The following UBE2R2 variants were observed in gnomAD, a reference collection of about 807,000 sequenced individuals.
UBE2R2 encodes the protein ubiquitin conjugating enzyme E2 R2, also known as ubiquitin-conjugating enzyme E2 R2.
Under a neutral mutation model 27.8 loss-of-function variants are expected in UBE2R2, and 1 was observed. The ratio of observed to expected loss-of-function variants is 0.04; its 90% CI spans 0.01 to 0.17. The LOEUF (loss-of-function observed/expected upper bound fraction) is 0.17. Among genes scored for constraint, UBE2R2 ranks in the 10% least tolerant of loss-of-function variants. The pLI, the probability that UBE2R2 is intolerant of heterozygous loss-of-function variation, is 1.00. For synonymous variants in UBE2R2, 106 were observed against 113.3 expected (o/e 0.94, Z 0.41); for missense variants, 100 against 291.0 (o/e 0.34, Z 4.78).
chr9:33,883,316 T>G (rs527533852), intron 1 of UBE2R2, among the ~76,000 whole-genome samples: 1 of 152,302 alleles, frequency 6.6e-6, no homozygotes, highest in East Asian at 1.9e-4. Context: ...GGTTAAGGAC[T>G]CAGTCCCACA....
In UBE2R2 at chr9:33,915,129, C is replaced by CAA. The variant is rs552572059; in HGVS notation, c.498-1874_498-1873dup. Among the ~76,000 whole-genome samples the CAA allele has an allele frequency of 2.9e-4, 31 of 107,376 alleles. No homozygotes were observed. The East Asian group carries it at 3.7e-3, about 13-fold the overall frequency. 70.4% of individuals were successfully genotyped at this position (107,376 alleles called of 152,430 possible). On this transcript the variant is annotated intron_variant, in intron 4 of 4. Coordinates refer to ENST00000263228, the MANE Select transcript of UBE2R2 (RefSeq NM_017811.4). The stretch of plus-strand genomic sequence containing the variant: ...TGGGTGACAGTGGGAGACCTTGTCT[C>CAA]AAAAAAAAAAAAAAAATCAAATAGT...
intron 1 of UBE2R2, among the ~76,000 whole-genome samples, chr9:33,841,450 C>T (rs1481180078): frequency 6.6e-6 from 1 of 152,084 alleles, no homozygotes; most frequent in Admixed American, 6.6e-5. Context: ...TTGTAGTTTT[C>T]GTAGCATCTT....
chr9:33,905,363 C>T (rs994115904), intron 3 of UBE2R2, among the ~76,000 whole-genome samples: 4 of 152,164 alleles, frequency 2.6e-5, no homozygotes, highest in African/African-American at 9.7e-5. Flanking sequence ...TCAGGGGAAA[C>T]AGGCATAACC....
intron 2 of UBE2R2, among the ~76,000 whole-genome samples, chr9:33,888,008 A>G (rs1821901429): frequency 6.6e-6 from 1 of 152,154 alleles, no homozygotes. Context: ...AAATCTCCAA[A>G]TGTTTTGGGG....
intron 2 of UBE2R2, among the ~76,000 whole-genome samples, chr9:33,889,903 C>CTT (rs2130799021): frequency 1.0e-5 from 1 of 98,142 alleles, no homozygotes; most frequent in East Asian, 2.4e-4. Flanking sequence ...AGGCTGGTCT[C>CTT]TAACTCCTGA....
At chr9:33,887,170 GATAAAGGATAAA>G (rs1369442042) in intron 2 of UBE2R2, among the ~76,000 whole-genome samples, 2 of 152,120 alleles carry the variant, frequency 1.3e-5, no homozygotes, top group Non-Finnish European at 2.9e-5. Context: ...TATTCTACAG[GATAAAGGATAAA>G]GTAAAGGATT....
At chr9:33,855,127 G>A (rs1386929795) in intron 1 of UBE2R2, among the ~76,000 whole-genome samples, 2 of 152,106 alleles carry the variant, frequency 1.3e-5, no homozygotes, top group East Asian at 3.8e-4. Context: ...CAAACATGCA[G>A]GCTTGTTTGT....
chr9:33,883,655 C>T (rs535562035), intron 1 of UBE2R2, among the ~76,000 whole-genome samples: 13 of 142,534 alleles, frequency 9.1e-5, no homozygotes, highest in African/African-American at 3.1e-4. Flanking sequence ...GTGGAGGTTG[C>T]AGTGAGCCGA....
intron 2 of UBE2R2, among the ~76,000 whole-genome samples, chr9:33,895,375 T>C (rs1046015983): frequency 2.0e-5 from 3 of 152,220 alleles, no homozygotes; most frequent in Admixed American, 1.3e-4. Flanking sequence ...ATTGGATTAT[T>C]TCTGGACTCT....
chr9:33,911,856 T>C (rs1234887573), intron 3 of UBE2R2, 108 bp from the exon 4 acceptor site: 1 of 1,097,390 alleles, frequency 9.1e-7, no homozygotes, highest in Non-Finnish European at 1.2e-6. Context: ...CAGAAAAATT[T>C]TAAGGGAGGG....
intron 1 of UBE2R2, among the ~76,000 whole-genome samples, chr9:33,860,929 G>A (rs1821217192): frequency 2.2e-5 from 2 of 92,682 alleles, no homozygotes; most frequent in African/African-American, 4.3e-5. Flanking sequence ...CGTTAACCCT[G>A]TGTTAAGTTT....
intron 1 of UBE2R2, among the ~76,000 whole-genome samples, chr9:33,836,001 T>C (rs1820606153): frequency 6.6e-6 from 1 of 152,176 alleles, no homozygotes; most frequent in Non-Finnish European, 1.5e-5. Flanking sequence ...GTTAAAAGTT[T>C]GTATAGTATA....
chr9:33,861,924 G>C (rs1821247537), intron 1 of UBE2R2, among the ~76,000 whole-genome samples: 1 of 146,972 alleles, frequency 6.8e-6, no homozygotes, highest in Non-Finnish European at 1.5e-5. Context: ...CACGATCTTG[G>C]CTCAGTGCAA....
At chr9:33,913,974 G>A (rs1587486465) in intron 4 of UBE2R2, among the ~76,000 whole-genome samples, 1 of 152,268 alleles carries the variant, frequency 6.6e-6, no homozygotes, top group African/African-American at 2.4e-5. Flanking sequence ...GTGTACTAAG[G>A]ATTGAAAGAT....
chr9:33,884,630 AC>A (rs1821817064), intron 1 of UBE2R2, among the ~76,000 whole-genome samples: 1 of 152,138 alleles, frequency 6.6e-6, no homozygotes, highest in African/African-American at 2.4e-5. Context: ...TATGGGTGAA[AC>A]ACCATTCTCA....
chr9:33,914,902 C>T (rs773565420), intron 4 of UBE2R2, among the ~76,000 whole-genome samples: 1 of 151,596 alleles, frequency 6.6e-6, no homozygotes, highest in Non-Finnish European at 1.5e-5. Flanking sequence ...TTTGGGAGGC[C>T]GAGGCGGGCA....
chr9:33,881,064 G>A (rs1821722267), intron 1 of UBE2R2, among the ~76,000 whole-genome samples: 1 of 152,134 alleles, frequency 6.6e-6, no homozygotes, highest in Non-Finnish European at 1.5e-5. Context: ...TCCATTTGGT[G>A]GCAAAAGTTT....
intron 1 of UBE2R2, among the ~76,000 whole-genome samples, chr9:33,821,660 G>A (rs528387360): frequency 1.3e-5 from 2 of 151,424 alleles, no homozygotes; most frequent in East Asian, 3.9e-4. Context: ...TCTTTTGCCA[G>A]GCTGGAGTGC....
chr9:33,828,584 T>G (rs746421181), intron 1 of UBE2R2, among the ~76,000 whole-genome samples: 1 of 151,190 alleles, frequency 6.6e-6, no homozygotes, highest in Non-Finnish European at 1.5e-5. Context: ...ATATTTGAGA[T>G]CAAGTCTCGC....
Sources: allele counts gnomAD v4.1 joint callset (sites outside exome capture counted in the v4.1 genomes callset), GRCh38; gene constraint gnomAD v4.1.1; transcripts MANE v1.5; gene names NCBI Gene and HGNC (gene_info 2026-07-23, HGNC 2026-07-21).